Variants in SSBP2 observed in about 807,000 individuals in gnomAD.
SSBP2 encodes the protein single stranded DNA binding protein 2, also known as single-stranded DNA-binding protein 2.
In SSBP2, 17 loss-of-function variants were observed where a neutral mutation model predicts 61.8. The ratio of observed to expected loss-of-function variants is 0.28; its 90% confidence interval spans 0.19 to 0.41. The LOEUF (loss-of-function observed/expected upper bound fraction) is 0.41. SSBP2 is among the 10% of genes least tolerant of loss of function. The pLI, the probability that SSBP2 is intolerant of heterozygous loss-of-function variation, is 1.00. For missense variants in SSBP2, 310 were observed against 458.7 expected (o/e 0.68, Z 2.96); for synonymous variants, 139 against 141.3 (o/e 0.98, Z 0.12).
rs748471829 is a variant in SSBP2, at chr5:81,413,316, C to T, written c.*7188G>A. The T allele has an allele frequency of 2.6e-5, 4 of 152,208 alleles. No individual in the cohort carries two copies. The highest frequency in any genetic ancestry group is 4.4e-5 in the Non-Finnish European group (3 of 68,014). The allele number at this position is 152,208 out of a possible 1,614,324, so 9.4% of individuals were successfully genotyped here. On this transcript the variant is annotated 3_prime_UTR_variant, in exon 17 of 17. Transcript: ENST00000320672. ...ACGCACACACACATACACGAACACA[C>T]ATACACAGATGCTAAATTTACAAAA...
chr5:81,460,339 G>C (rs564435945), intron 10 of SSBP2, among the ~76,000 whole-genome samples: 27 of 152,322 alleles, frequency 1.8e-4, no homozygotes, highest in African/African-American at 6.0e-4. Context: ...GTACATGGCA[G>C]ACTTCTCTCA....
intron 16 of SSBP2, among the ~76,000 whole-genome samples, chr5:81,424,261 T>C (rs1472879396): frequency 6.6e-6 from 1 of 151,722 alleles, no homozygotes; most frequent in South Asian, 2.1e-4. Flanking sequence ...CCGTTTCTAC[T>C]AAAAATACAA....
In SSBP2 at chr5:81,440,552, C is replaced by G; in HGVS notation, c.928+6G>C. 2 of 1,611,220 alleles carry G rather than the reference C, an allele frequency of 1.2e-6. No individual in the cohort carries two copies. Among genetic ancestry groups the G allele is most frequent in the Non-Finnish European group, 1.7e-6 (2 of 1,177,714 alleles). ...TTATTCTAAACATCAAATTGAAAAG[C>G]CTTACCTAAAGAGCCATTCATGTGA... is the stretch of plus-strand genomic sequence containing the variant. On this transcript the variant is annotated splice_donor_region_variant and intron_variant, in intron 14 of 16. Coordinates refer to ENST00000320672, the MANE Select transcript of SSBP2 (RefSeq NM_012446.5).
chr5:81,570,408 CT>C (rs1320066858), intron 4 of SSBP2, among the ~76,000 whole-genome samples: 21 of 152,170 alleles, frequency 1.4e-4, no homozygotes, highest in Non-Finnish European at 1.5e-5. Flanking sequence ...AATTATAGAA[CT>C]TTTGCTAAAA....
At chr5:81,469,008 C>T (rs2154015129) in intron 8 of SSBP2, among the ~76,000 whole-genome samples, 1 of 152,056 alleles carries the variant, frequency 6.6e-6, no homozygotes, top group African/African-American at 2.4e-5. Context: ...AAATGTTTCA[C>T]AAGAAAAGTC....
chr5:81,492,002 G>A lies in SSBP2; in HGVS notation c.373-2693C>T, dbSNP rs1260244748. On this transcript the variant is annotated intron_variant, in intron 5 of 16. Transcript: ENST00000320672. ...AGAATCTAAAAGCGTTTGCATACTA[G>A]CAACTGAGAATAATCTGCACTAGTA... Among the ~76,000 whole-genome samples, 3 of 152,276 alleles carry A rather than the reference G, an allele frequency of 2.0e-5. 1 individual carries two copies. The highest frequency in any genetic ancestry group is 4.1e-4 in the South Asian group (2 of 4,828).
At chr5:81,742,214 A>G (rs1757070940) in intron 1 of SSBP2, among the ~76,000 whole-genome samples, 2 of 152,232 alleles carry the variant, frequency 1.3e-5, no homozygotes, top group Non-Finnish European at 2.9e-5. Context: ...ATTTAACACA[A>G]AGAAAATGAA....
intron 1 of SSBP2, among the ~76,000 whole-genome samples, chr5:81,734,694 G>A (rs933558930): frequency 2.2e-4 from 34 of 152,126 alleles, no homozygotes; most frequent in African/African-American, 7.2e-4. Flanking sequence ...CAAGTTGGCC[G>A]GGCGCGGTGG....
intron 15 of SSBP2, among the ~76,000 whole-genome samples, chr5:81,433,379 T>G (rs1014278174): frequency 6.6e-6 from 1 of 152,038 alleles, no homozygotes; most frequent in African/African-American, 2.4e-5. Context: ...CGGTGCAAGA[T>G]GTGCTTTGTT....
At chr5:81,719,028 A>T (rs1755368621) in intron 1 of SSBP2, among the ~76,000 whole-genome samples, 1 of 152,180 alleles carries the variant, frequency 6.6e-6, no homozygotes, top group South Asian at 2.1e-4. Context: ...ATTTTTTATA[A>T]TAACAAGTAC....
At chr5:81,548,442 A>G (rs1771919498) in intron 4 of SSBP2, among the ~76,000 whole-genome samples, 2 of 152,202 alleles carry the variant, frequency 1.3e-5, no homozygotes, top group African/African-American at 2.4e-5. Flanking sequence ...CTTAAGAAAT[A>G]TATGTTCAGA....
chr5:81,631,904 T>C (rs1747760292), intron 3 of SSBP2, among the ~76,000 whole-genome samples: 1 of 152,152 alleles, frequency 6.6e-6, no homozygotes, highest in African/African-American at 2.4e-5. Flanking sequence ...AAATGATAAG[T>C]AGTGGAGCTG....
chr5:81,690,171 G>A (rs1265500217), intron 1 of SSBP2, among the ~76,000 whole-genome samples: 7 of 151,958 alleles, frequency 4.6e-5, no homozygotes, highest in African/African-American at 1.7e-4. Flanking sequence ...AAGGAAGACA[G>A]GAAGGAAGAA....
At chr5:81,693,110 C>T (rs947967457) in intron 1 of SSBP2, among the ~76,000 whole-genome samples, 2 of 149,584 alleles carry the variant, frequency 1.3e-5, no homozygotes, top group African/African-American at 4.9e-5. Flanking sequence ...GAGGCCGAGG[C>T]AGGAGAATCG....
intron 1 of SSBP2, among the ~76,000 whole-genome samples, chr5:81,744,905 C>T (rs937474119): frequency 6.6e-6 from 1 of 151,900 alleles, no homozygotes; most frequent in African/African-American, 2.4e-5. Context: ...TGAAGTTTGT[C>T]TTTAAAAAAA....
At chr5:81,679,430 C>A (rs1752225596) in intron 1 of SSBP2, among the ~76,000 whole-genome samples, 1 of 151,986 alleles carries the variant, frequency 6.6e-6, no homozygotes, top group African/African-American at 2.4e-5. Context: ...ATGACAGCAA[C>A]AATAAAAGGA....
chr5:81,559,329 G>A lies in SSBP2; in HGVS notation c.283-45612C>T, dbSNP rs1772851536. 2.0e-5 allele frequency among the ~76,000 whole-genome samples: 3 copies of A among 150,838 alleles called. No individual in the cohort carries two copies. The South Asian group carries it at 6.3e-4, about 32-fold the overall frequency. The stretch of plus-strand genomic sequence containing the variant: ...TGGAACCCGGGAAGCGGAGGTTGCA[G>A]TGAGCCGAGACTGCGCCATTGCACT... On this transcript the variant is annotated intron_variant, in intron 4 of 16. Coordinates refer to ENST00000320672, the MANE Select transcript of SSBP2 (RefSeq NM_012446.5).
intron 1 of SSBP2, among the ~76,000 whole-genome samples, chr5:81,745,946 T>A (rs778571089): frequency 6.6e-6 from 1 of 152,102 alleles, no homozygotes; most frequent in Non-Finnish European, 1.5e-5. Context: ...CTAGAAGTGA[T>A]TAAAGATGAA....
At chr5:81,476,187 C>A (rs1290619197) in intron 6 of SSBP2, among the ~76,000 whole-genome samples, 1 of 152,000 alleles carries the variant, frequency 6.6e-6, no homozygotes, top group Non-Finnish European at 1.5e-5. Flanking sequence ...AAGTATAATT[C>A]CCCCAATAAG....
Sources: gnomAD v4.1 joint callset for allele counts (sites outside exome capture counted in the v4.1 genomes callset) on GRCh38, gnomAD v4.1.1 for gene constraint, MANE v1.5 for transcripts, NCBI Gene and HGNC (gene_info 2026-07-23, HGNC 2026-07-21) for gene names.